SH3GL2: variants seen among roughly 807,000 people sequenced by gnomAD.
SH3GL2 encodes SH3 domain containing GRB2 like 2, endophilin A1.
Under a neutral mutation model 46.0 loss-of-function variants are expected in SH3GL2, and 24 were observed. The observed-to-expected ratio is 0.52, with a 90% CI of 0.38 to 0.73. SH3GL2 has a LOEUF of 0.73. SH3GL2 is among the 30% of genes least tolerant of loss of function. The probability of loss-of-function intolerance (pLI) is 0.00; values close to 1 mark genes in which losing one functional copy is unlikely to be tolerated. For missense variants in SH3GL2, 413 were observed against 424.2 expected (o/e 0.97, Z 0.23); for synonymous variants, 196 against 147.1 (o/e 1.33, Z -2.40).
chr9:17,640,746 A>C (rs928328445), intron 1 of SH3GL2, among the ~76,000 whole-genome samples: 2 of 152,210 alleles, frequency 1.3e-5, no homozygotes, highest in African/African-American at 4.8e-5. Context: ...AAAAGTATTT[A>C]TTGTGCATAT....
chr9:17,686,514 C>G (rs928207474), intron 1 of SH3GL2, among the ~76,000 whole-genome samples: 2 of 147,374 alleles, frequency 1.4e-5, no homozygotes, highest in African/African-American at 2.5e-5. Flanking sequence ...GCATTATCCA[C>G]AATAGCAAAG....
intron 4 of SH3GL2, 60 bp downstream of exon 4, chr9:17,786,584 G>A (rs1009129767): frequency 1.3e-6 from 2 of 1,559,976 alleles, no homozygotes; most frequent in Non-Finnish European, 1.8e-6. Flanking sequence ...TTTGGTGCTG[G>A]TAAGAAATTC....
chr9:17,611,005 A>G (rs1818853927), intron 1 of SH3GL2, among the ~76,000 whole-genome samples: 1 of 152,200 alleles, frequency 6.6e-6, no homozygotes, highest in Admixed American at 6.5e-5. Context: ...TTCTTAGTGA[A>G]GGTTCTTTCA....
At chr9:17,681,855 C>G (rs1035868158) in intron 1 of SH3GL2, among the ~76,000 whole-genome samples, 4 of 151,822 alleles carry the variant, frequency 2.6e-5, no homozygotes, top group Middle Eastern at 3.4e-3. Context: ...AACAAATTTA[C>G]AAGAAAAAAC....
intron 1 of SH3GL2, among the ~76,000 whole-genome samples, chr9:17,605,445 A>G (rs1360585388): frequency 6.6e-6 from 1 of 152,114 alleles, no homozygotes; most frequent in Non-Finnish European, 1.5e-5. Context: ...AAATTCATCT[A>G]GCAGGTATGT....
chr9:17,650,259 G>GT (rs1819922597), intron 1 of SH3GL2, among the ~76,000 whole-genome samples: 1 of 152,342 alleles, frequency 6.6e-6, no homozygotes, highest in African/African-American at 2.4e-5. Flanking sequence ...TGATATCCTT[G>GT]TAACAGTTTG....
chr9:17,761,039 G>A (rs1472600775), intron 2 of SH3GL2, among the ~76,000 whole-genome samples: 1 of 152,176 alleles, frequency 6.6e-6, no homozygotes, highest in Non-Finnish European at 1.5e-5. Context: ...CCCACTTCTT[G>A]AATAAGCAGA....
At chr9:17,672,324 G>T (rs1415635871) in intron 1 of SH3GL2, among the ~76,000 whole-genome samples, 2 of 152,064 alleles carry the variant, frequency 1.3e-5, no homozygotes, top group Non-Finnish European at 2.9e-5. Flanking sequence ...CTTGCTTCAT[G>T]TTAAGATGCC....
chr9:17,635,893 A>G (rs184180416), intron 1 of SH3GL2, among the ~76,000 whole-genome samples: 76 of 152,236 alleles, frequency 5.0e-4, no homozygotes, highest in Admixed American at 5.9e-4. Context: ...GGCAGTTTCT[A>G]TTTTCTCTCA....
intron 1 of SH3GL2, among the ~76,000 whole-genome samples, chr9:17,732,218 G>A (rs761705960): frequency 2.1e-5 from 3 of 146,056 alleles, no homozygotes; most frequent in Admixed American, 7.0e-5. Flanking sequence ...ATGGTGACCG[G>A]AGTTGTTGCT....
At chr9:17,637,196 G>A (rs117650765) in intron 1 of SH3GL2, among the ~76,000 whole-genome samples, 3,744 of 152,264 alleles carry the variant, frequency 0.025, 71 homozygotes, top group Middle Eastern at 0.058. Flanking sequence ...ACGGTATGAT[G>A]TATTTCAGCC....
At chr9:17,654,143 C>T (rs116567251) in intron 1 of SH3GL2, among the ~76,000 whole-genome samples, 1,894 of 152,256 alleles carry the variant, frequency 0.012, 47 homozygotes, top group African/African-American at 0.044. Context: ...AGATGATCAT[C>T]TTTCCCAGTT....
chr9:17,722,457 C>T (rs751713312), intron 1 of SH3GL2, among the ~76,000 whole-genome samples: 4 of 152,090 alleles, frequency 2.6e-5, no homozygotes, highest in Admixed American at 6.6e-5. Context: ...CATGTTTGCA[C>T]TCTAAACCTT....
Position 17,617,121 on chromosome 9 carries a change from A to T in SH3GL2, c.45+37834A>T, listed in dbSNP as rs528795885. On this transcript the variant is annotated intron_variant, in intron 1 of 8. Transcript: ENST00000380607. ...TTTTACTTCATGTGCTCTGTAGATT[A>T]TTTCAGTACACCAAGAGCTTCCCCA... 3.4e-3 allele frequency among the ~76,000 whole-genome samples: 514 copies of T among 152,248 alleles called. 7 individuals are homozygous for T. Among genetic ancestry groups the T allele is most frequent in the Admixed American group, 0.026 (403 of 15,302 alleles).
At chr9:17,657,846 G>A (rs986231862) in intron 1 of SH3GL2, among the ~76,000 whole-genome samples, 12 of 152,154 alleles carry the variant, frequency 7.9e-5, no homozygotes, top group African/African-American at 2.9e-4. Flanking sequence ...CTCTCATTTT[G>A]ATATTCTTAT....
intron 1 of SH3GL2, among the ~76,000 whole-genome samples, chr9:17,680,210 G>C (rs537403867): frequency 3.9e-5 from 6 of 152,276 alleles, no homozygotes; most frequent in African/African-American, 1.4e-4. Flanking sequence ...AATGGTACCA[G>C]CTCCTCTTTG....
intron 1 of SH3GL2, among the ~76,000 whole-genome samples, chr9:17,744,276 T>C (rs1408764749): frequency 6.6e-6 from 1 of 152,136 alleles, no homozygotes; most frequent in Non-Finnish European, 1.5e-5. Context: ...GGTTTGGTGA[T>C]AGGGACAATA....
chr9:17,742,524 G>A (rs951031525), intron 1 of SH3GL2, among the ~76,000 whole-genome samples: 8 of 152,176 alleles, frequency 5.3e-5, no homozygotes, highest in African/African-American at 1.9e-4. Context: ...AATTTGAGCT[G>A]TTTGAAATAC....
intron 1 of SH3GL2, among the ~76,000 whole-genome samples, chr9:17,725,219 G>A (rs1176357544): frequency 2.6e-5 from 4 of 152,052 alleles, no homozygotes. Context: ...GTACGACTTG[G>A]GAAATTTTTT....
Sources: allele counts gnomAD v4.1 joint callset (sites outside exome capture counted in the v4.1 genomes callset), GRCh38; gene constraint gnomAD v4.1.1; transcripts MANE v1.5; gene names NCBI Gene and HGNC (gene_info 2026-07-23, HGNC 2026-07-21).